Variants in CRPPA observed in about 807,000 individuals in gnomAD.
CRPPA encodes the protein D-ribitol-5-phosphate cytidylyltransferase.
In CRPPA, 43 loss-of-function variants were observed where a neutral mutation model predicts 52.0. The observed-to-expected ratio is 0.83, with a 90% CI of 0.65 to 1.07. CRPPA has a LOEUF of 1.07. CRPPA is among the 50% of genes least tolerant of loss of function. The pLI, the probability that CRPPA is intolerant of heterozygous loss-of-function variation, is 0.00. For synonymous variants in CRPPA, 250 were observed against 203.5 expected, an observed-to-expected ratio of 1.23 and a Z score of -1.94; for missense variants, 629 against 551.7, an observed-to-expected ratio of 1.14 and a Z score of -1.40.
intron 2 of CRPPA, among the ~76,000 whole-genome samples, chr7:16,403,796 A>C (rs1355139505): frequency 6.6e-6 from 1 of 152,190 alleles, no homozygotes; most frequent in Non-Finnish European, 1.5e-5. Context: ...GGATGTCTGC[A>C]ATGGACAACT....
chr7:16,321,651 A>G (rs1018979911), intron 3 of CRPPA, among the ~76,000 whole-genome samples: 1 of 152,144 alleles, frequency 6.6e-6, no homozygotes, highest in African/African-American at 2.4e-5. Flanking sequence ...TGGTGACATC[A>G]TTACTCAAGT....
At chr7:16,092,975 C>T (rs1403740975) in intron 9 of CRPPA, among the ~76,000 whole-genome samples, 6 of 152,078 alleles carry the variant, frequency 3.9e-5, no homozygotes, top group African/African-American at 1.4e-4. Flanking sequence ...GCTTAGCTGA[C>T]CCTAATTACT....
chr7:16,226,995 T>C (rs1782669157), intron 8 of CRPPA, among the ~76,000 whole-genome samples: 2 of 151,960 alleles, frequency 1.3e-5, no homozygotes, highest in Non-Finnish European at 2.9e-5. Context: ...CATTCAGTAT[T>C]TGTCTTTCTG....
intron 8 of CRPPA, among the ~76,000 whole-genome samples, chr7:16,234,064 T>C (rs1373144074): frequency 1.3e-5 from 2 of 152,178 alleles, no homozygotes; most frequent in East Asian, 3.8e-4. Flanking sequence ...TTATCACTCA[T>C]AATATTTTAT....
chr7:16,368,849 T>C (rs772009060), intron 3 of CRPPA, among the ~76,000 whole-genome samples: 1 of 152,210 alleles, frequency 6.6e-6, no homozygotes, highest in Non-Finnish European at 1.5e-5. Context: ...ATTTTTCAGA[T>C]GAATTTCTTA....
intron 2 of CRPPA, among the ~76,000 whole-genome samples, chr7:16,392,252 C>T (rs1787464993): frequency 6.6e-6 from 1 of 152,096 alleles, no homozygotes. Flanking sequence ...AGCCATCATA[C>T]CCCTACAGAG....
intron 8 of CRPPA, among the ~76,000 whole-genome samples, chr7:16,250,878 T>C (rs1289914280): frequency 6.6e-6 from 1 of 152,082 alleles, no homozygotes; most frequent in East Asian, 1.9e-4. Flanking sequence ...CATAACAATA[T>C]TAACCTTAAA....
chr7:16,412,754 C>A (rs978992133), intron 1 of CRPPA, among the ~76,000 whole-genome samples: 6 of 152,184 alleles, frequency 3.9e-5, no homozygotes, highest in Admixed American at 2.0e-4. Context: ...CACACCAAAC[C>A]CTCAGCAGCC....
At chr7:16,245,062 G>T (rs1468855162) in intron 8 of CRPPA, among the ~76,000 whole-genome samples, 2 of 148,706 alleles carry the variant, frequency 1.3e-5, no homozygotes, top group Non-Finnish European at 3.0e-5. Flanking sequence ...AAAAAAAAAA[G>T]CTTGTGGTAG....
chr7:16,146,835 G>C (rs1291226265), intron 9 of CRPPA, among the ~76,000 whole-genome samples: 2 of 152,142 alleles, frequency 1.3e-5, no homozygotes, highest in African/African-American at 4.8e-5. Flanking sequence ...AGGAAGACAA[G>C]TCAGGGAGAG....
At chr7:16,279,538 G>A (rs1036887191) in intron 5 of CRPPA, among the ~76,000 whole-genome samples, 69 of 152,280 alleles carry the variant, frequency 4.5e-4, no homozygotes, top group Admixed American at 1.8e-3. Context: ...TCTAAGTTAC[G>A]TGGTGCTAAT....
intron 1 of CRPPA, among the ~76,000 whole-genome samples, chr7:16,414,834 A>C (rs1026994715): frequency 6.6e-6 from 1 of 152,248 alleles, no homozygotes; most frequent in African/African-American, 2.4e-5. Context: ...AGCATAAAGT[A>C]GAAATGAGTT....
chr7:16,352,878 GGCACAC>G (rs2128308042), intron 3 of CRPPA, among the ~76,000 whole-genome samples: 1 of 113,506 alleles, frequency 8.8e-6, no homozygotes, highest in South Asian at 3.3e-4. Flanking sequence ...TAAGTAACAT[GGCACAC>G]ACACACACAC....
chr7:16,251,313 T>C (rs774709246), intron 8 of CRPPA, among the ~76,000 whole-genome samples: 1 of 151,936 alleles, frequency 6.6e-6, no homozygotes, highest in Non-Finnish European at 1.5e-5. Flanking sequence ...TATTAGACAG[T>C]TCAACGAGAC....
chr7:16,167,726 T>G (rs935541109), intron 9 of CRPPA, among the ~76,000 whole-genome samples: 1 of 152,252 alleles, frequency 6.6e-6, no homozygotes, highest in Non-Finnish European at 1.5e-5. Context: ...TTTGATTTCT[T>G]TGAATGTATT....
chr7:16,356,151 C>T (rs951249549), intron 3 of CRPPA, among the ~76,000 whole-genome samples: 1 of 152,024 alleles, frequency 6.6e-6, no homozygotes, highest in African/African-American at 2.4e-5. Context: ...CTAAAAGTAT[C>T]TACATAGAAA....
At chr7:16,199,572 T>A (rs1191183457) in intron 9 of CRPPA, among the ~76,000 whole-genome samples, 1 of 152,176 alleles carries the variant, frequency 6.6e-6, no homozygotes, top group Non-Finnish European at 1.5e-5. Context: ...CACAGTCATT[T>A]TTTATTACCA....
In CRPPA at chr7:16,348,482, G is replaced by A. The variant is rs537469822; in HGVS notation, c.684+27610C>T. On this transcript the variant is annotated intron_variant, in intron 3 of 9. Transcript: ENST00000407010. Reference sequence around the variant, plus strand: ...CTGTGCCTAATTTTTCACAGCTGCCGCCCTGAGGTAATGCATCCTATAAAT... The same window carrying A: ...CTGTGCCTAATTTTTCACAGCTGCCACCCTGAGGTAATGCATCCTATAAAT... Among the ~76,000 whole-genome samples, 5 of 152,196 alleles carry A rather than the reference G, an allele frequency of 3.3e-5. No homozygotes were observed. The East Asian group carries it at 5.8e-4, about 18-fold the overall frequency.
chr7:16,147,114 C>T lies in CRPPA; in HGVS notation c.1252-55315G>A, dbSNP rs530736398. 3.3e-5 allele frequency among the ~76,000 whole-genome samples: 5 copies of T among 152,244 alleles called. No individual in the cohort carries two copies. The East Asian group carries it at 9.7e-4, about 29-fold the overall frequency. On this transcript the variant is annotated intron_variant, in intron 9 of 9. Coordinates refer to ENST00000407010, the MANE Select transcript of CRPPA (RefSeq NM_001101426.4). ...ACAAGCTCTCTTGCCTGCCTGCTGCCATGTAAGTTGTGCCTTTGCTCTTCC... is the reference window on the plus strand; with the variant it reads ...ACAAGCTCTCTTGCCTGCCTGCTGCTATGTAAGTTGTGCCTTTGCTCTTCC...
Sources: gnomAD v4.1 joint callset for allele counts (sites outside exome capture counted in the v4.1 genomes callset) on GRCh38, gnomAD v4.1.1 for gene constraint, MANE v1.5 for transcripts, NCBI Gene and HGNC (gene_info 2026-07-23, HGNC 2026-07-21) for gene names.